The following TBX15 variants were observed in gnomAD, a reference collection of about 807,000 sequenced individuals.
TBX15 encodes T-box transcription factor TBX15.
Under a neutral mutation model 53.9 loss-of-function variants are expected in TBX15, and 18 were observed. The ratio of observed to expected loss-of-function variants is 0.33; its 90% confidence interval spans 0.23 to 0.49. The LOEUF (loss-of-function observed/expected upper bound fraction) is 0.49. Among genes scored for constraint, TBX15 ranks in the 20% least tolerant of loss-of-function variants. The probability of loss-of-function intolerance (pLI) is 0.98; values close to 1 mark genes in which losing one functional copy is unlikely to be tolerated. For synonymous variants in TBX15, 295 were observed against 278.0 expected (o/e 1.06, Z -0.61); for missense variants, 692 against 749.5 (o/e 0.92, Z 0.90).
At chr1:118,890,802 A>G (rs1557871162) in intron 7 of TBX15, 1 of 1,069,058 alleles carries the variant, frequency 9.4e-7, no homozygotes, top group Non-Finnish European at 1.2e-6. Flanking sequence ...TCCTCCCCCA[A>G]AATTGAAAAA....
intron 2 of TBX15, among the ~76,000 whole-genome samples, chr1:118,927,002 G>T (rs754021780): frequency 1.2e-4 from 19 of 152,096 alleles, no homozygotes; most frequent in Non-Finnish European, 2.4e-4. Context: ...GAGATTACAG[G>T]TGTGAGCCAA....
intron 1 of TBX15, among the ~76,000 whole-genome samples, chr1:118,985,320 G>A (rs779873742): frequency 1.1e-4 from 16 of 152,058 alleles, no homozygotes; most frequent in Non-Finnish European, 2.4e-4. Context: ...ATCTTTAAAT[G>A]TGTCCCTGTG....
At chr1:118,904,644 G>A (rs970800769) in intron 6 of TBX15, among the ~76,000 whole-genome samples, 10 of 152,274 alleles carry the variant, frequency 6.6e-5, no homozygotes, top group Admixed American at 5.9e-4. Flanking sequence ...TCCTCCCTTG[G>A]AGTATGAATC....
intron 1 of TBX15, among the ~76,000 whole-genome samples, chr1:118,949,832 C>A (rs544198519): frequency 6.6e-6 from 1 of 152,144 alleles, no homozygotes; most frequent in East Asian, 1.9e-4. Context: ...ACAATTTGAA[C>A]CCATGACCCA....
chr1:118,917,175 C>T (rs915594705), intron 5 of TBX15, among the ~76,000 whole-genome samples: 1 of 152,090 alleles, frequency 6.6e-6, no homozygotes, highest in African/African-American at 2.4e-5. Flanking sequence ...ACCAAAATGC[C>T]CATCAATAAT....
chr1:118,904,090 A>T (rs1654730814), intron 6 of TBX15, among the ~76,000 whole-genome samples: 2 of 152,168 alleles, frequency 1.3e-5, no homozygotes, highest in African/African-American at 4.8e-5. Context: ...GACATAGTTC[A>T]GGGTGACTGG....
intron 7 of TBX15, among the ~76,000 whole-genome samples, chr1:118,898,714 A>C (rs1654512591): frequency 6.6e-6 from 1 of 152,216 alleles, no homozygotes; most frequent in Non-Finnish European, 1.5e-5. Context: ...TATTAAAAAA[A>C]TCTCTTCAAA....
chr1:118,913,238 A>AT (rs1269423667), intron 6 of TBX15, among the ~76,000 whole-genome samples: 2 of 152,152 alleles, frequency 1.3e-5, no homozygotes, highest in Non-Finnish European at 2.9e-5. Context: ...ACTATAAAAA[A>AT]AAAAAATCTA....
intron 1 of TBX15, among the ~76,000 whole-genome samples, chr1:118,970,149 C>T (rs1051912641): frequency 1.3e-5 from 2 of 152,238 alleles, no homozygotes; most frequent in Non-Finnish European, 1.5e-5. Flanking sequence ...GCCTACTGTA[C>T]AGCCTGTGGA....
intron 6 of TBX15, among the ~76,000 whole-genome samples, chr1:118,904,964 C>T (rs888330458): frequency 9.9e-5 from 15 of 152,148 alleles, no homozygotes; most frequent in Non-Finnish European, 2.2e-4. Context: ...AATCATAATA[C>T]TTCCTCCTAA....
chr1:118,893,047 T>A (rs1385746445), intron 7 of TBX15, among the ~76,000 whole-genome samples: 1 of 151,906 alleles, frequency 6.6e-6, no homozygotes, highest in East Asian at 1.9e-4. Context: ...AGTTTCAGCA[T>A]GGCCAGCATG....
intron 1 of TBX15, among the ~76,000 whole-genome samples, chr1:118,985,326 C>T (rs957469235): frequency 6.6e-6 from 1 of 152,092 alleles, no homozygotes; most frequent in African/African-American, 2.4e-5. Context: ...AAATGTGTCC[C>T]TGTGTGTGTT....
chr1:118,987,519 C>T (rs1280326685), intron 1 of TBX15, 72 bp downstream of exon 1: 8 of 1,491,798 alleles, frequency 5.4e-6, no homozygotes, highest in Non-Finnish European at 7.1e-6. Flanking sequence ...TAGCTCCTCA[C>T]CCGCGACCGG....
Position 118,884,625 on chromosome 1 carries a change from A to C in TBX15, c.*107T>G, listed in dbSNP as rs1036663949. 1 of 1,346,266 alleles carries C rather than the reference A, an allele frequency of 7.4e-7. No individual in the cohort carries two copies. The highest frequency in any genetic ancestry group is 1.5e-5 in the African/African-American group (1 of 65,280). The allele number at this position is 1,346,266 out of a possible 1,614,324, so 83.4% of individuals were successfully genotyped here. A position where few individuals can be genotyped will look rare whatever the true frequency, so the allele number is the denominator to read the frequency against. On this transcript the variant is annotated 3_prime_UTR_variant, in exon 8 of 8. Coordinates refer to ENST00000369429, the MANE Select transcript of TBX15 (RefSeq NM_001330677.2). ...GGCCAGAAAAAAAAAAAAAAAAAAA[A>C]CACGGTTCCTGTTTTTCAAAGACAC...
intron 1 of TBX15, among the ~76,000 whole-genome samples, chr1:118,957,706 G>A (rs1656739390): frequency 6.6e-6 from 1 of 152,168 alleles, no homozygotes; most frequent in African/African-American, 2.4e-5. Context: ...CCACCTATGA[G>A]TGAAAACATG....
chr1:118,886,100 C>T (rs1653933249), intron 7 of TBX15, among the ~76,000 whole-genome samples: 1 of 152,024 alleles, frequency 6.6e-6, no homozygotes, highest in Admixed American at 6.5e-5. Context: ...AGCAGTGGAG[C>T]CTGGGGTATG....
intron 5 of TBX15, 72 bp downstream of exon 5, chr1:118,923,364 A>C (rs961641788): frequency 3.8e-6 from 6 of 1,586,612 alleles, no homozygotes; most frequent in Middle Eastern, 1.7e-4. Flanking sequence ...AAAGTAAATA[A>C]TACCTAAGGA....
intron 4 of TBX15, among the ~76,000 whole-genome samples, chr1:118,924,348 A>G (rs948318520): frequency 1.3e-5 from 2 of 152,088 alleles, no homozygotes; most frequent in East Asian, 1.9e-4. Context: ...TTTTTCTACC[A>G]CTGGTTGATT....
intron 6 of TBX15, among the ~76,000 whole-genome samples, chr1:118,911,199 A>G (rs576613387): frequency 1.3e-5 from 2 of 152,308 alleles, no homozygotes; most frequent in South Asian, 2.1e-4. Context: ...CTGAGCCTCA[A>G]TTGCTTCATT....
Sources: gnomAD v4.1 joint callset for allele counts (sites outside exome capture counted in the v4.1 genomes callset) on GRCh38, gnomAD v4.1.1 for gene constraint, MANE v1.5 for transcripts, NCBI Gene and HGNC (gene_info 2026-07-23, HGNC 2026-07-21) for gene names.